The following LDB2 variants were observed in gnomAD, a reference collection of about 807,000 sequenced individuals.
LDB2 encodes LIM domain binding 2.
Under a neutral mutation model 44.3 loss-of-function variants are expected in LDB2, and 12 were observed. That is an observed-to-expected ratio of 0.27 (90% CI 0.17 to 0.44). The LOEUF (loss-of-function observed/expected upper bound fraction) is 0.44. Among genes scored for constraint, LDB2 ranks in the 20% least tolerant of loss-of-function variants. The pLI is 1.00. For missense variants in LDB2, 344 were observed against 473.5 expected (o/e 0.73, Z 2.54); for synonymous variants, 164 against 174.8 (o/e 0.94, Z 0.49).
At chr4:16,813,254 G>A (rs1780243595) in intron 1 of LDB2, among the ~76,000 whole-genome samples, 1 of 152,044 alleles carries the variant, frequency 6.6e-6, no homozygotes, top group Non-Finnish European at 1.5e-5. Flanking sequence ...CCAAAGTGCT[G>A]GAATTACAGG....
intron 5 of LDB2, among the ~76,000 whole-genome samples, chr4:16,520,761 C>G (rs542263898): frequency 6.6e-6 from 1 of 152,150 alleles, no homozygotes; most frequent in Non-Finnish European, 1.5e-5. Flanking sequence ...GCTTTTCTGA[C>G]CCACCCAGGG....
chr4:16,891,878 C>T (rs1723511556), intron 1 of LDB2, among the ~76,000 whole-genome samples: 1 of 152,130 alleles, frequency 6.6e-6, no homozygotes, highest in Non-Finnish European at 1.5e-5. Context: ...CTCATGTTTC[C>T]TATTTCAAGA....
At chr4:16,834,072 T>C (rs1222071374) in intron 1 of LDB2, among the ~76,000 whole-genome samples, 1 of 152,236 alleles carries the variant, frequency 6.6e-6, no homozygotes, top group African/African-American at 2.4e-5. Flanking sequence ...TAACTTAATA[T>C]ATTTTTCACC....
intron 2 of LDB2, among the ~76,000 whole-genome samples, chr4:16,638,820 T>A (rs1734330978): frequency 6.6e-6 from 1 of 151,236 alleles, no homozygotes; most frequent in Admixed American, 6.6e-5. Flanking sequence ...GGGCACAGAT[T>A]GATACACTAA....
chr4:16,817,086 T>G (rs1781089013), intron 1 of LDB2, among the ~76,000 whole-genome samples: 1 of 152,190 alleles, frequency 6.6e-6, no homozygotes, highest in Non-Finnish European at 1.5e-5. Flanking sequence ...GAAGTTGCCA[T>G]TTTTGAGCAC....
At chr4:16,757,256 G>A (rs899061483) in intron 2 of LDB2, among the ~76,000 whole-genome samples, 2 of 152,174 alleles carry the variant, frequency 1.3e-5, no homozygotes, top group African/African-American at 4.8e-5. Context: ...CATCAGCAGC[G>A]TGTGCACATC....
At chr4:16,872,690 C>T (rs1717065094) in intron 1 of LDB2, among the ~76,000 whole-genome samples, 1 of 152,266 alleles carries the variant, frequency 6.6e-6, no homozygotes, top group South Asian at 2.1e-4. Context: ...GTAGGCAGGA[C>T]TCTCAATCCC....
chr4:16,718,354 G>A (rs932330803), intron 2 of LDB2, among the ~76,000 whole-genome samples: 3 of 152,040 alleles, frequency 2.0e-5, no homozygotes, highest in Non-Finnish European at 4.4e-5. Flanking sequence ...TCAATCCATT[G>A]AATATGTCGA....
chr4:16,622,343 GA>G (rs1485794216), intron 2 of LDB2, among the ~76,000 whole-genome samples: 1 of 152,190 alleles, frequency 6.6e-6, no homozygotes, highest in African/African-American at 2.4e-5. Flanking sequence ...ATTATTGGTT[GA>G]ATGACATAAA....
intron 2 of LDB2, among the ~76,000 whole-genome samples, chr4:16,618,686 AG>A (rs2152476478): frequency 6.6e-6 from 1 of 152,290 alleles, no homozygotes; most frequent in African/African-American, 2.4e-5. Context: ...AAGGAGGTGC[AG>A]TGTTCCATAG....
At chr4:16,630,765 C>T (rs764646089) in intron 2 of LDB2, among the ~76,000 whole-genome samples, 17 of 151,556 alleles carry the variant, frequency 1.1e-4, no homozygotes, top group East Asian at 1.9e-4. Context: ...AATGGAAAGC[C>T]GAAAAAAGCA....
rs1223752653 is a variant in LDB2 at position 16,609,551 on chromosome 4, G to A, written c.236-13676C>T. ...AGGCTGGACAGCTTGGTCCCAAGAC[G>A]TGTCCCCACAACCCAACACATCGGC... On this transcript the variant is annotated intron_variant, in intron 2 of 7. Transcript: ENST00000304523. 2.6e-5 allele frequency among the ~76,000 whole-genome samples: 4 copies of A among 152,304 alleles called. No homozygotes were observed. The East Asian group carries it at 5.8e-4, about 22-fold the overall frequency.
intron 2 of LDB2, among the ~76,000 whole-genome samples, chr4:16,687,136 A>T (rs1016090953): frequency 6.6e-6 from 1 of 152,036 alleles, no homozygotes; most frequent in African/African-American, 2.4e-5. Flanking sequence ...CATTAACTTC[A>T]GTTCATTAAT....
intron 5 of LDB2, among the ~76,000 whole-genome samples, chr4:16,545,899 C>T (rs557438971): frequency 3.4e-4 from 52 of 152,198 alleles, no homozygotes; most frequent in Admixed American, 9.8e-4. Context: ...AGTTAGGCCC[C>T]GAAGCAGATG....
chr4:16,707,402 C>A (rs1754840115), intron 2 of LDB2, among the ~76,000 whole-genome samples: 2 of 151,958 alleles, frequency 1.3e-5, no homozygotes, highest in African/African-American at 4.8e-5. Flanking sequence ...CAGAAAATGG[C>A]CAAATGGACA....
chr4:16,763,024 A>G (rs1215121702), intron 1 of LDB2, among the ~76,000 whole-genome samples: 1 of 151,736 alleles, frequency 6.6e-6, no homozygotes, highest in African/African-American at 2.4e-5. Flanking sequence ...TCAACGTCTC[A>G]GGAAATTTCA....
intron 2 of LDB2, among the ~76,000 whole-genome samples, chr4:16,662,427 C>G (rs574195257): frequency 6.6e-6 from 1 of 152,100 alleles, no homozygotes; most frequent in Non-Finnish European, 1.5e-5. Context: ...TAAAGTCCAC[C>G]CTCCCCTACA....
intron 2 of LDB2, among the ~76,000 whole-genome samples, chr4:16,714,421 G>A (rs533956885): frequency 6.6e-5 from 10 of 152,250 alleles, no homozygotes; most frequent in South Asian, 4.1e-4. Context: ...TTCCCTGGAG[G>A]ACTTTTTTGC....
intron 3 of LDB2, among the ~76,000 whole-genome samples, chr4:16,591,371 C>A (rs1324677327): frequency 6.6e-6 from 1 of 152,102 alleles, no homozygotes; most frequent in African/African-American, 2.4e-5. Context: ...TTCTTGCAGT[C>A]AAATTGTCAT....
Sources: allele counts gnomAD v4.1 joint callset (sites outside exome capture counted in the v4.1 genomes callset), GRCh38; gene constraint gnomAD v4.1.1; transcripts MANE v1.5; gene names NCBI Gene and HGNC (gene_info 2026-07-23, HGNC 2026-07-21).